The following BPGM variants were observed in gnomAD, a reference collection of about 807,000 sequenced individuals.
BPGM encodes the protein bisphosphoglycerate mutase, also known as 2,3-bisphosphoglycerate mutase, erythrocyte.
A neutral mutation model predicts 21.6 loss-of-function variants in BPGM; 15 were observed. The observed-to-expected ratio is 0.70, with a 90% CI of 0.47 to 1.07. BPGM has a LOEUF of 1.07. Ranked by LOEUF, BPGM falls within the 50% of genes least tolerant of loss-of-function variation. The probability of loss-of-function intolerance (pLI) is 0.00; values close to 1 mark genes in which losing one functional copy is unlikely to be tolerated. For missense variants in BPGM, 273 were observed against 319.0 expected (o/e 0.86, Z 1.10); for synonymous variants, 113 against 116.2 (o/e 0.97, Z 0.18).
chr7:134,672,007 T>C (rs1256872510), intron 2 of BPGM, among the ~76,000 whole-genome samples: 1 of 152,146 alleles, frequency 6.6e-6, no homozygotes, highest in Non-Finnish European at 1.5e-5. Flanking sequence ...TTGGTTCCTG[T>C]TCCTGCTATG....
chr7:134,660,900 A>G (rs967671581), intron 1 of BPGM: 10 of 157,196 alleles, frequency 6.4e-5, no homozygotes, highest in African/African-American at 2.4e-4. Context: ...GGCATTGAAG[A>G]GCTAGTTGCC....
chr7:134,670,203 A>T (rs1795883308), intron 2 of BPGM, among the ~76,000 whole-genome samples: 1 of 152,192 alleles, frequency 6.6e-6, no homozygotes, highest in African/African-American at 2.4e-5. Flanking sequence ...CTCATGCAAG[A>T]CAGACTTGAT....
At chr7:134,662,349 T>C (rs1389531649) in intron 2 of BPGM, among the ~76,000 whole-genome samples, 1 of 152,240 alleles carries the variant, frequency 6.6e-6, no homozygotes, top group African/African-American at 2.4e-5. Context: ...GAGGTTGGTG[T>C]ATCACAGATT....
intron 2 of BPGM, among the ~76,000 whole-genome samples, chr7:134,672,141 A>ACC (rs888561608): frequency 1.3e-5 from 2 of 152,082 alleles, no homozygotes; most frequent in Non-Finnish European, 2.9e-5. Context: ...TGGACTTATT[A>ACC]CCCCAAACTT....
intron 1 of BPGM, among the ~76,000 whole-genome samples, chr7:134,652,336 A>T (rs532419647): frequency 5.4e-4 from 83 of 152,318 alleles, no homozygotes; most frequent in African/African-American, 1.9e-3. Context: ...TTACATTTTT[A>T]ATTTTAAATT....
chr7:134,653,658 T>G (rs1795590647), intron 1 of BPGM, among the ~76,000 whole-genome samples: 1 of 152,150 alleles, frequency 6.6e-6, no homozygotes, highest in South Asian at 2.1e-4. Context: ...AATGGGACAC[T>G]TAAGTGTGAA....
chr7:134,662,494 A>T (rs1001878894), intron 2 of BPGM, among the ~76,000 whole-genome samples: 2 of 152,194 alleles, frequency 1.3e-5, no homozygotes, highest in African/African-American at 4.8e-5. Context: ...AGTCTAAAGG[A>T]CTGTATGGCT....
At chr7:134,656,442 T>C (rs1795639865) in intron 1 of BPGM, among the ~76,000 whole-genome samples, 1 of 152,198 alleles carries the variant, frequency 6.6e-6, no homozygotes, top group South Asian at 2.1e-4. Context: ...ATGCTGCTAA[T>C]AAAGACATAT....
chr7:134,651,613 G>A (rs896988296), intron 1 of BPGM, among the ~76,000 whole-genome samples: 7 of 152,044 alleles, frequency 4.6e-5, no homozygotes, highest in Non-Finnish European at 8.8e-5. Flanking sequence ...TATTAAGAGG[G>A]GTAACCTTAG....
At chr7:134,670,322 A>G (rs1203895601) in intron 2 of BPGM, among the ~76,000 whole-genome samples, 1 of 152,160 alleles carries the variant, frequency 6.6e-6, no homozygotes, top group Admixed American at 6.5e-5. Flanking sequence ...GGGGACGGGG[A>G]CTGATGAGTT....
intron 2 of BPGM, among the ~76,000 whole-genome samples, chr7:134,671,303 C>T (rs1368856522): frequency 6.6e-6 from 1 of 151,596 alleles, no homozygotes; most frequent in Non-Finnish European, 1.5e-5. Context: ...CTGACAAAGT[C>T]CTTAGGGTGT....
Position 134,661,303 on chromosome 7 carries a change from T to C in BPGM, c.-61-144T>C. The C allele has an allele frequency of 1.6e-6, 1 of 633,370 alleles. No homozygotes were observed. Among genetic ancestry groups the C allele is most frequent in the Non-Finnish European group, 2.7e-6 (1 of 373,310 alleles). 39.2% of individuals were successfully genotyped at this position (633,370 alleles called of 1,614,324 possible). A position where few individuals can be genotyped will look rare whatever the true frequency, so the allele number is the denominator to read the frequency against. On this transcript the variant is annotated intron_variant, in intron 1 of 2. Coordinates refer to ENST00000344924, the MANE Select transcript of BPGM (RefSeq NM_001724.5). This position sits in a 1 kb window ranked among gnomAD's most constrained non-coding sequence, Gnocchi z 4.6. The stretch of plus-strand genomic sequence containing the variant: ...TTAATATCTATAGAATATGCCTGTA[T>C]GTGTCACAGTGTATGAGTTATCACA...
chr7:134,671,760 A>G (rs920393357), intron 2 of BPGM, among the ~76,000 whole-genome samples: 6 of 152,226 alleles, frequency 3.9e-5, no homozygotes, highest in African/African-American at 7.2e-5. Flanking sequence ...TTACTGAATA[A>G]TTTCTGGACC....
intron 1 of BPGM, among the ~76,000 whole-genome samples, chr7:134,650,238 G>A (rs746941641): frequency 5.9e-5 from 9 of 152,212 alleles, no homozygotes; most frequent in Non-Finnish European, 7.3e-5. Flanking sequence ...GGAGGGGTCC[G>A]TCATGAGTGG....
rs745809683 is a variant in BPGM, at chr7:134,661,788, C to T, written c.281C>T (p.Ala94Val). ...CGTCTAAATGAGCGTCACTATGGGG[C>T]CTTGATCGGTCTCAACAGGGAGCAG... ...SWRLNERHYG[A>V]LIGLNREQMA... The change falls in exon 2 of 3, where the codon GCC becomes GTC. Residue 94 changes from alanine (A) to valine (V), a missense_variant. Coordinates refer to ENST00000344924, the MANE Select transcript of BPGM (RefSeq NM_001724.5). The surrounding 1 kb of genome is among the most constrained non-coding windows in gnomAD (Gnocchi z 4.6). 6.2e-7 allele frequency: 1 copy of T among 1,613,996 alleles called. No individual in the cohort carries two copies. Among genetic ancestry groups the T allele is most frequent in the Non-Finnish European group, 8.5e-7 (1 of 1,179,974 alleles).
In BPGM at chr7:134,658,888, G is replaced by GTTTATTTTTTTTATT. The variant is rs1395227097; in HGVS notation, c.-61-2558_-61-2557insTTATTTTTTTTATTT. On this transcript the variant is annotated intron_variant, in intron 1 of 2. Coordinates refer to ENST00000344924, the MANE Select transcript of BPGM (RefSeq NM_001724.5). ...TTCCTCTGTTCTGGTGTGTGTGTGT[G>GTTTATTTTTTTTATT]TGTATTTTTTTTTTAGTAAAAAGAA... 9.8e-3 allele frequency among the ~76,000 whole-genome samples: 246 copies of GTTTATTTTTTTTATT among 24,976 alleles called. 5 individuals are homozygous for GTTTATTTTTTTTATT. In the African/African-American group the frequency reaches 0.11, roughly 11 times the overall value. The allele number at this position is 24,976 out of a possible 152,430, so 16.4% of individuals were successfully genotyped here.
At chr7:134,677,419 C>T (rs532042860) in intron 2 of BPGM, among the ~76,000 whole-genome samples, 2 of 152,248 alleles carry the variant, frequency 1.3e-5, no homozygotes, top group Admixed American at 1.3e-4. Context: ...TTCCATTTTT[C>T]ATAGTTGTTT....
intron 1 of BPGM, among the ~76,000 whole-genome samples, chr7:134,656,629 A>G (rs1005789602): frequency 6.6e-6 from 1 of 152,200 alleles, no homozygotes. Flanking sequence ...TTATAAAACC[A>G]TCAGACCTCG....
intron 2 of BPGM, among the ~76,000 whole-genome samples, chr7:134,664,841 G>A (rs903051441): frequency 1.3e-5 from 2 of 152,286 alleles, no homozygotes; most frequent in East Asian, 3.9e-4. Flanking sequence ...CCAGCCACAA[G>A]GGATCACATA....
Sources: gnomAD v4.1 joint callset for allele counts (sites outside exome capture counted in the v4.1 genomes callset) on GRCh38, gnomAD v4.1.1 for gene constraint, Gnocchi (gnomAD v3.1) non-coding constraint, MANE v1.5 for transcripts, NCBI Gene and HGNC (gene_info 2026-07-23, HGNC 2026-07-21) for gene names.